Variants in SLCO6A1 observed in about 807,000 individuals in gnomAD.
The protein encoded by SLCO6A1 is solute carrier organic anion transporter family member 6A1, also known as cancer/testis antigen 48.
SLCO6A1 carries 65 observed loss-of-function variants against 72.7 expected under a neutral mutation model. The ratio of observed to expected loss-of-function variants is 0.89; its 90% confidence interval spans 0.73 to 1.10. The LOEUF is 1.10. Ranked by LOEUF, SLCO6A1 falls within the 50% of genes least tolerant of loss-of-function variation. SLCO6A1 has a pLI of 0.00. For synonymous variants in SLCO6A1, 314 were observed against 298.2 expected, an observed-to-expected ratio of 1.05 and a Z score of -0.55; for missense variants, 874 against 872.6, an observed-to-expected ratio of 1.00 and a Z score of -0.02.
chr5:102,479,240 T>C (rs1752062728), intron 2 of SLCO6A1, among the ~76,000 whole-genome samples: 1 of 152,172 alleles, frequency 6.6e-6, no homozygotes, highest in African/African-American at 2.4e-5. Flanking sequence ...GCTCACTCTC[T>C]CCTGCTACAA....
rs188498618 is a variant in SLCO6A1 at position 102,420,708 on chromosome 5, A to T, written c.1277-687T>A. 4.1e-3 allele frequency among the ~76,000 whole-genome samples: 630 copies of T among 152,314 alleles called. 10 individuals are homozygous for T. The highest frequency in any genetic ancestry group is 0.015 in the African/African-American group (606 of 41,570). ...ATATATAATACTGTTACATCTAAATATGAATTTAACAAGAAAAACATAGGA... is the reference window on the plus strand; with the variant it reads ...ATATATAATACTGTTACATCTAAATTTGAATTTAACAAGAAAAACATAGGA... On this transcript the variant is annotated intron_variant, in intron 7 of 13. Transcript: ENST00000506729.
chr5:102,387,432 C>A (rs1202707750), intron 12 of SLCO6A1, among the ~76,000 whole-genome samples: 3 of 152,152 alleles, frequency 2.0e-5, no homozygotes, highest in Non-Finnish European at 2.9e-5. Flanking sequence ...AACCATGTTA[C>A]AATTGTATCT....
chr5:102,471,447 T>C (rs950827545), intron 4 of SLCO6A1, among the ~76,000 whole-genome samples: 1 of 152,134 alleles, frequency 6.6e-6, no homozygotes, highest in Non-Finnish European at 1.5e-5. Context: ...GAAGCCATAA[T>C]GTAGTGACCA....
intron 3 of SLCO6A1, among the ~76,000 whole-genome samples, chr5:102,476,145 A>G (rs1227169761): frequency 6.6e-6 from 1 of 152,036 alleles, no homozygotes; most frequent in Non-Finnish European, 1.5e-5. Context: ...AATCTCATAA[A>G]TCACCACTAA....
At position 102,393,064 on chromosome 5, in the gene SLCO6A1, A is replaced by AT. The variant is rs563383534; in HGVS notation, c.1815-2020dup. 2.6e-5 allele frequency among the ~76,000 whole-genome samples: 4 copies of AT among 152,060 alleles called. No individual in the cohort carries two copies. The South Asian group carries it at 8.3e-4, about 31-fold the overall frequency. On this transcript the variant is annotated intron_variant, in intron 10 of 13. Transcript: ENST00000506729. ...GTAGATCCAATACTGTCATTAAAAA[A>AT]TTTTTTTCATATCTCTTTTTTTATC...
At chr5:102,397,835 GT>G (rs1747180582) in intron 10 of SLCO6A1, among the ~76,000 whole-genome samples, 1 of 151,944 alleles carries the variant, frequency 6.6e-6, no homozygotes, top group African/African-American at 2.4e-5. Flanking sequence ...TCATTTTTTT[GT>G]TCTATGTCAT....
At chr5:102,428,780 A>G (rs1749054536) in intron 7 of SLCO6A1, among the ~76,000 whole-genome samples, 1 of 152,042 alleles carries the variant, frequency 6.6e-6, no homozygotes. Context: ...GTGTCTTTGT[A>G]TAGAAAAATT....
At chr5:102,474,013 C>T (rs1166938758) in intron 4 of SLCO6A1, among the ~76,000 whole-genome samples, 2 of 151,394 alleles carry the variant, frequency 1.3e-5, no homozygotes, top group Non-Finnish European at 3.0e-5. Context: ...TTATACAACC[C>T]AAAGTGAAAT....
intron 7 of SLCO6A1, among the ~76,000 whole-genome samples, chr5:102,427,856 ATATATATATTTTTT>A (rs1247193228): frequency 1.8e-3 from 222 of 124,770 alleles, no homozygotes; most frequent in African/African-American, 7.6e-3. Flanking sequence ...ATATATATAT[ATATATATATTTTTT>A]TTTTTTTTTT....
rs147406467 is a variant in SLCO6A1, at chr5:102,498,709, T to C, written c.136A>G (p.Lys46Glu). ...KGTPKSSKPG[K>E]KHRYLRLLPE... ...AGTAGTCTCAGATACCGGTGTTTTTTCCCGGGCTTCGAGGACTTCGGGGTT... is the reference window on the plus strand; with the variant it reads ...AGTAGTCTCAGATACCGGTGTTTTTCCCCGGGCTTCGAGGACTTCGGGGTT... The change falls in exon 1 of 14, where the codon AAA becomes GAA. Residue 46 changes from lysine (K) to glutamate (E), a missense_variant. Transcript: ENST00000506729. 7.1e-5 allele frequency: 115 copies of C among 1,614,184 alleles called. No homozygotes were observed. In the African/African-American group the frequency reaches 1.3e-3, roughly 18 times the overall value.
chr5:102,432,811 T>C (rs1348149618), intron 7 of SLCO6A1, among the ~76,000 whole-genome samples: 1 of 152,222 alleles, frequency 6.6e-6, no homozygotes, highest in East Asian at 1.9e-4. Flanking sequence ...ATTTGAATGT[T>C]GTCCTCTCTA....
At chr5:102,374,466 A>C (rs1745666302) in intron 12 of SLCO6A1, among the ~76,000 whole-genome samples, 1 of 151,938 alleles carries the variant, frequency 6.6e-6, no homozygotes, top group African/African-American at 2.4e-5. Context: ...CACCTGGCTA[A>C]TTTTTTAGAA....
intron 6 of SLCO6A1, among the ~76,000 whole-genome samples, chr5:102,451,468 A>G (rs952864615): frequency 6.6e-6 from 1 of 152,152 alleles, no homozygotes; most frequent in African/African-American, 2.4e-5. Flanking sequence ...CTGCTAGCAT[A>G]GGGGTGTTCA....
chr5:102,395,616 A>G (rs1747027628), intron 10 of SLCO6A1, among the ~76,000 whole-genome samples: 1 of 152,076 alleles, frequency 6.6e-6, no homozygotes, highest in Non-Finnish European at 1.5e-5. Context: ...GAATCGCCAC[A>G]CTGACTTCCA....
intron 4 of SLCO6A1, among the ~76,000 whole-genome samples, chr5:102,473,389 A>G (rs1751729874): frequency 2.0e-5 from 3 of 152,104 alleles, no homozygotes; most frequent in African/African-American, 4.8e-5. Flanking sequence ...ATGTCAATTG[A>G]TTCAGAAAAA....
At chr5:102,378,548 A>C (rs2112476939) in intron 12 of SLCO6A1, among the ~76,000 whole-genome samples, 1 of 152,270 alleles carries the variant, frequency 6.6e-6, no homozygotes, top group Non-Finnish European at 1.5e-5. Context: ...TAACTGATAA[A>C]AGTTAGTTTT....
intron 8 of SLCO6A1, among the ~76,000 whole-genome samples, chr5:102,414,901 A>T (rs774656054): frequency 8.0e-6 from 1 of 124,566 alleles, no homozygotes; most frequent in Non-Finnish European, 1.8e-5. Context: ...ATCTCAAAGT[A>T]AGTAAGTAAA....
rs564322506 is a variant in SLCO6A1, at chr5:102,449,640, C to T, written c.1131+8742G>A. Among the ~76,000 whole-genome samples the T allele has an allele frequency of 8.5e-3, 1,299 of 152,232 alleles. 14 individuals are homozygous for T. The highest frequency in any genetic ancestry group is 0.029 in the African/African-American group (1,224 of 41,530). ...TGACCTCGTGATCCGCCCGCCTCGGCCCCCCAAAGTGCTGGGATTACAGGC... is the reference window on the plus strand; with the variant it reads ...TGACCTCGTGATCCGCCCGCCTCGGTCCCCCAAAGTGCTGGGATTACAGGC... On this transcript the variant is annotated intron_variant, in intron 6 of 13. Transcript: ENST00000506729.
In SLCO6A1 at chr5:102,498,800, G is replaced by A; in HGVS notation, c.45C>T (p.Val15=). 1.2e-6 allele frequency: 2 copies of A among 1,613,594 alleles called. No individual in the cohort carries two copies. Among genetic ancestry groups the A allele is most frequent in the Non-Finnish European group, 8.5e-7 (1 of 1,179,926 alleles). Residue 15 remains valine, a synonymous_variant, in exon 1 of 14, where the codon GTC becomes GTT. Coordinates refer to ENST00000506729, the MANE Select transcript of SLCO6A1 (RefSeq NM_173488.5). The part of the protein sequence containing the change: ...VARHSGSQDE[V]SRGVEPLEAA... ...CCTCCAGCGGCTCTACTCCCCTTGAGACTTCATCCTGGCTCCCAGAGTGCC... is the reference window on the plus strand; with the variant it reads ...CCTCCAGCGGCTCTACTCCCCTTGAAACTTCATCCTGGCTCCCAGAGTGCC...
Sources: gnomAD v4.1 joint callset for allele counts (sites outside exome capture counted in the v4.1 genomes callset) on GRCh38, gnomAD v4.1.1 for gene constraint, MANE v1.5 for transcripts, NCBI Gene and HGNC (gene_info 2026-07-23, HGNC 2026-07-21) for gene names.